The following PUS7 variants were observed in gnomAD, a reference collection of about 807,000 sequenced individuals.
The protein encoded by PUS7 is pseudouridylate synthase 7 homolog.
Under a neutral mutation model 79.8 loss-of-function variants are expected in PUS7, and 48 were observed. The ratio of observed to expected loss-of-function variants is 0.60; its 90% CI spans 0.48 to 0.76. PUS7 has a LOEUF of 0.76. Ranked by LOEUF, PUS7 falls within the 30% of genes least tolerant of loss-of-function variation. The pLI is 0.00. For synonymous variants in PUS7, 286 were observed against 272.2 expected (o/e 1.05, Z -0.50); for missense variants, 729 against 797.6 (o/e 0.91, Z 1.04).
intron 11 of PUS7, chr7:105,470,189 A>G (rs1175782427): frequency 6.6e-6 from 1 of 152,224 alleles, no homozygotes; most frequent in African/African-American, 2.4e-5. Flanking sequence ...GTTAAACTTT[A>G]ACATTTGTTA....
intron 10 of PUS7, 37 bp downstream of exon 10, chr7:105,472,095 A>C: frequency 4.6e-6 from 6 of 1,292,052 alleles, no homozygotes; most frequent in Non-Finnish European, 5.6e-6. Flanking sequence ...CTAGCCATAC[A>C]TTCTATTTAT....
rs561509404 is a variant in PUS7 at position 105,519,491 on chromosome 7, T to A, written c.-33+2561A>T. Among the ~76,000 whole-genome samples, 12 of 152,124 alleles carry A rather than the reference T, an allele frequency of 7.9e-5. No individual in the cohort carries two copies. The South Asian group carries it at 2.5e-3, about 32-fold the overall frequency. ...CTGACCTGACCTCAAACGAGCTGCC[T>A]GCCTCGGCCTCCCAGAGTGCTGGGA... On this transcript the variant is annotated intron_variant, in intron 1 of 15. Coordinates refer to ENST00000469408, the MANE Select transcript of PUS7 (RefSeq NM_019042.5).
intron 9 of PUS7, among the ~76,000 whole-genome samples, chr7:105,480,008 T>A (rs1824256269): frequency 6.6e-6 from 1 of 151,268 alleles, no homozygotes; most frequent in Non-Finnish European, 1.5e-5. Flanking sequence ...AAAATAAAAA[T>A]AAAAAATAAA....
chr7:105,497,288 T>C (rs981613564), intron 5 of PUS7, among the ~76,000 whole-genome samples: 1 of 152,204 alleles, frequency 6.6e-6, no homozygotes, highest in East Asian at 1.9e-4. Flanking sequence ...GGTTTAAGGA[T>C]AGTAAATGCT....
At chr7:105,490,486 A>G (rs2133171919) in intron 7 of PUS7, among the ~76,000 whole-genome samples, 1 of 152,226 alleles carries the variant, frequency 6.6e-6, no homozygotes, top group African/African-American at 2.4e-5. Context: ...GAATACGTCA[A>G]TAGCCCTGGT....
intron 2 of PUS7, among the ~76,000 whole-genome samples, chr7:105,507,552 A>G (rs1456555279): frequency 6.6e-6 from 1 of 150,646 alleles, no homozygotes; most frequent in Non-Finnish European, 1.5e-5. Flanking sequence ...TCATTTACTT[A>G]TTTTTTTGAG....
At chr7:105,499,491 T>A (rs944910021) in intron 5 of PUS7, among the ~76,000 whole-genome samples, 2 of 152,208 alleles carry the variant, frequency 1.3e-5, no homozygotes, top group African/African-American at 4.8e-5. Context: ...GCATTTGGAA[T>A]GTATACTGTC....
intron 1 of PUS7, among the ~76,000 whole-genome samples, chr7:105,518,402 GTTTA>G (rs1028216193): frequency 1.2e-4 from 18 of 146,504 alleles, no homozygotes; most frequent in South Asian, 4.2e-4. Flanking sequence ...TCTCTTGTTT[GTTTA>G]TTTATTTATT....
In PUS7 at chr7:105,502,558, C is replaced by T. The variant is rs546508179; in HGVS notation, c.592G>A (p.Glu198Lys). Residue 198 changes from glutamate (E) to lysine (K), a missense_variant, in exon 5 of 16, where the codon GAG (glutamate) becomes AAG (lysine). Physicochemically the swap from Glu to Lys is moderately conservative, Grantham distance 56 (BLOSUM62 1). Transcript: ENST00000469408. ...ATGGTTCTTTTCTCTTTGGTGTCCT[C>T]GATAACCTATTAAAAAAAACAGATA... Reference protein sequence around the residue: ...KETSVAIEVIEDTKEKRTIIH... With the variant: ...KETSVAIEVIKDTKEKRTIIH... 1.2e-5 allele frequency: 19 copies of T among 1,613,090 alleles called. No individual in the cohort carries two copies. The highest frequency in any genetic ancestry group is 2.7e-5 in the African/African-American group (2 of 74,734).
intron 9 of PUS7, among the ~76,000 whole-genome samples, chr7:105,473,939 T>C (rs1823978664): frequency 6.6e-6 from 1 of 152,262 alleles, no homozygotes; most frequent in African/African-American, 2.4e-5. Flanking sequence ...GTTAACACTT[T>C]AGAGCATATT....
chr7:105,493,464 C>A (rs1674446553), intron 6 of PUS7, among the ~76,000 whole-genome samples: 1 of 152,186 alleles, frequency 6.6e-6, no homozygotes, highest in Non-Finnish European at 1.5e-5. Context: ...GACTCTCTCC[C>A]AGGGAGTTAA....
chr7:105,465,124 A>G (rs1823586670), intron 13 of PUS7, among the ~76,000 whole-genome samples, 189 bp downstream of exon 13: 1 of 152,072 alleles, frequency 6.6e-6, no homozygotes, highest in Admixed American at 6.6e-5. Flanking sequence ...TGCCTGACCT[A>G]TTTATTTTAT....
rs1823231084 is a variant in PUS7 at position 105,457,381 on chromosome 7, T to C, written c.*409A>G. 6.5e-6 allele frequency: 1 copy of C among 153,390 alleles called. No homozygotes were observed. The highest frequency in any genetic ancestry group is 1.5e-5 in the Non-Finnish European group (1 of 68,922). The allele number at this position is 153,390 out of a possible 1,614,324, so 9.5% of individuals were successfully genotyped here. On this transcript the variant is annotated 3_prime_UTR_variant, in exon 16 of 16. Transcript: ENST00000469408. Reference sequence around the variant, plus strand: ...CAGCTCTCAAATTATTTATCCATAGTCCAGATTTGTTTTGTTGCATTTGCT... The same window carrying C: ...CAGCTCTCAAATTATTTATCCATAGCCCAGATTTGTTTTGTTGCATTTGCT...
intron 7 of PUS7, among the ~76,000 whole-genome samples, chr7:105,485,173 A>T (rs1466462140): frequency 6.6e-6 from 1 of 151,288 alleles, no homozygotes; most frequent in Non-Finnish European, 1.5e-5. Context: ...TTTTTTTTTT[A>T]ATCTCAAATG....
At chr7:105,511,938 G>A (rs1825718063) in intron 1 of PUS7, among the ~76,000 whole-genome samples, 2 of 152,022 alleles carry the variant, frequency 1.3e-5, no homozygotes, top group African/African-American at 2.4e-5. Flanking sequence ...AAGGTCAGGA[G>A]TTCGAGACCA....
At chr7:105,476,823 G>A (rs1023490610) in intron 9 of PUS7, among the ~76,000 whole-genome samples, 25 of 152,262 alleles carry the variant, frequency 1.6e-4, no homozygotes, top group African/African-American at 3.9e-4. Context: ...GTGGTACCTC[G>A]TGGTGGTTTC....
At chr7:105,486,345 A>AC (rs1824550341) in intron 7 of PUS7, among the ~76,000 whole-genome samples, 1 of 151,988 alleles carries the variant, frequency 6.6e-6, no homozygotes, top group African/African-American at 2.4e-5. Context: ...GAGCCACCGC[A>AC]CCCAGCTGTA....
At chr7:105,482,909 G>T (rs375289363) in intron 7 of PUS7, among the ~76,000 whole-genome samples, 1 of 151,792 alleles carries the variant, frequency 6.6e-6, no homozygotes, top group Non-Finnish European at 1.5e-5. Context: ...AAAAGGAAAA[G>T]AAATTCATAT....
chr7:105,484,069 C>T (rs1395718463), intron 7 of PUS7, among the ~76,000 whole-genome samples: 2 of 152,080 alleles, frequency 1.3e-5, no homozygotes, highest in Non-Finnish European at 2.9e-5. Context: ...TGATTTTGTC[C>T]AACAATGATA....
Sources: allele counts gnomAD v4.1 joint callset (sites outside exome capture counted in the v4.1 genomes callset), GRCh38; gene constraint gnomAD v4.1.1; transcripts MANE v1.5; gene names NCBI Gene and HGNC (gene_info 2026-07-23, HGNC 2026-07-21).